Variants in SAMD4A observed in about 807,000 individuals in gnomAD.
The protein encoded by SAMD4A is protein Smaug homolog 1.
SAMD4A carries 33 observed loss-of-function variants against 81.3 expected under a neutral mutation model. The observed-to-expected ratio is 0.41, with a 90% CI of 0.31 to 0.54. The LOEUF is 0.54. Ranked by LOEUF, SAMD4A falls within the 20% of genes least tolerant of loss-of-function variation. SAMD4A has a pLI of 0.37. For missense variants in SAMD4A, 854 were observed against 951.1 expected (o/e 0.90, Z 1.34); for synonymous variants, 389 against 382.1 (o/e 1.02, Z -0.21).
At chr14:54,716,778 T>C (rs1259980227) in intron 3 of SAMD4A, among the ~76,000 whole-genome samples, 1 of 152,162 alleles carries the variant, frequency 6.6e-6, no homozygotes, top group African/African-American at 2.4e-5. Context: ...GTATTAAGTA[T>C]TCATGTTTTT....
intron 11 of SAMD4A, chr14:54,784,178 G>C (rs2039074338): frequency 1.6e-6 from 1 of 619,086 alleles, no homozygotes; most frequent in Non-Finnish European, 2.9e-6. Flanking sequence ...GGAGAGAGCT[G>C]TATGAGGGTA....
Position 54,789,333 on chromosome 14 carries a change from C to T in SAMD4A, c.*389C>T, listed in dbSNP as rs779425984. 1.8e-5 allele frequency: 4 copies of T among 227,292 alleles called. No homozygotes were observed. Among genetic ancestry groups the T allele is most frequent in the Non-Finnish European group, 3.5e-5 (4 of 114,948 alleles). The allele number at this position is 227,292 out of a possible 1,614,324, so 14.1% of individuals were successfully genotyped here. A position where few individuals can be genotyped will look rare whatever the true frequency, so the allele number is the denominator to read the frequency against. On this transcript the variant is annotated 3_prime_UTR_variant, in exon 13 of 13. Transcript: ENST00000554335. Reference sequence around the variant, plus strand: ...AGCAGAAGCCCTGGCCCTGGGGAGGCTTCTCGGAAGGCCTGGCTTCACAGG... The same window carrying T: ...AGCAGAAGCCCTGGCCCTGGGGAGGTTTCTCGGAAGGCCTGGCTTCACAGG...
chr14:54,720,159 T>A (rs1424720802), intron 3 of SAMD4A, among the ~76,000 whole-genome samples: 1 of 152,222 alleles, frequency 6.6e-6, no homozygotes, highest in Non-Finnish European at 1.5e-5. Context: ...GCTATCATAT[T>A]TTCAAATTCC....
chr14:54,570,233 T>G (rs1020802237), intron 2 of SAMD4A, among the ~76,000 whole-genome samples: 1 of 152,198 alleles, frequency 6.6e-6, no homozygotes, highest in African/African-American at 2.4e-5. Flanking sequence ...TTTGGTTTAC[T>G]TTCGGAGTGT....
At chr14:54,607,596 C>T (rs974040147) in intron 2 of SAMD4A, among the ~76,000 whole-genome samples, 32 of 151,784 alleles carry the variant, frequency 2.1e-4, no homozygotes, top group Non-Finnish European at 3.5e-4. Context: ...GTTGGGACTA[C>T]AGGCGCCCGC....
At chr14:54,625,933 T>C (rs1258352655) in intron 2 of SAMD4A, among the ~76,000 whole-genome samples, 1 of 152,034 alleles carries the variant, frequency 6.6e-6, no homozygotes, top group Non-Finnish European at 1.5e-5. Flanking sequence ...CGAAGCATGC[T>C]AAGCAAAGTC....
chr14:54,642,268 G>C (rs1484785479), intron 2 of SAMD4A, among the ~76,000 whole-genome samples: 1 of 152,174 alleles, frequency 6.6e-6, no homozygotes, highest in African/African-American at 2.4e-5. Context: ...TGTGGAGGAG[G>C]CTTTCTCTAG....
chr14:54,572,009 A>G (rs986732896), intron 2 of SAMD4A, among the ~76,000 whole-genome samples: 2 of 152,210 alleles, frequency 1.3e-5, no homozygotes, highest in Non-Finnish European at 2.9e-5. Flanking sequence ...GGTTTTCCTG[A>G]TGATATGGAT....
intron 2 of SAMD4A, among the ~76,000 whole-genome samples, chr14:54,663,803 T>G (rs566803618): frequency 6.6e-6 from 1 of 152,274 alleles, no homozygotes; most frequent in African/African-American, 2.4e-5. Flanking sequence ...TTCTCTCTCT[T>G]CCCTGTGAAT....
At chr14:54,587,979 C>A (rs1055657789) in intron 2 of SAMD4A, among the ~76,000 whole-genome samples, 2 of 151,936 alleles carry the variant, frequency 1.3e-5, no homozygotes, top group African/African-American at 4.8e-5. Context: ...TCTTTGAATG[C>A]CTGATAGAAT....
In SAMD4A at chr14:54,707,369, G is replaced by T. The variant is rs979897774; in HGVS notation, c.715+4789G>T. On this transcript the variant is annotated intron_variant, in intron 3 of 12. Transcript: ENST00000554335. The stretch of plus-strand genomic sequence containing the variant: ...TCCTCCTGCGTAAGCCTCCCAAAGT[G>T]CTGGGATTATAGATATGAGCCACCA... Among the ~76,000 whole-genome samples, 4 of 152,028 alleles carry T rather than the reference G, an allele frequency of 2.6e-5. No individual in the cohort carries two copies. In the East Asian group the frequency reaches 7.7e-4, roughly 29 times the overall value.
intron 3 of SAMD4A, among the ~76,000 whole-genome samples, chr14:54,710,901 G>A (rs1468877746): frequency 6.6e-6 from 1 of 152,182 alleles, no homozygotes; most frequent in Non-Finnish European, 1.5e-5. Context: ...CAGAAATTTT[G>A]GAAATGTCAA....
At position 54,792,392 on chromosome 14, in the gene SAMD4A, A is replaced by T. The variant is rs2039274537; in HGVS notation, c.*3448A>T. The T allele has an allele frequency of 6.6e-6, 1 of 152,182 alleles. No individual in the cohort carries two copies. Among genetic ancestry groups the T allele is most frequent in the Non-Finnish European group, 1.5e-5 (1 of 68,068 alleles). The allele number at this position is 152,182 out of a possible 1,614,324, so 9.4% of individuals were successfully genotyped here. On this transcript the variant is annotated 3_prime_UTR_variant, in exon 13 of 13. Transcript: ENST00000554335. ...GGTGTCCTTGGCTGCCTTTTACGGG[A>T]TGGGAGCCTTCTCCGGATCTTTTGT...
Position 54,782,827 on chromosome 14 carries a change from G to C in SAMD4A, c.2045-1710G>C, listed in dbSNP as rs558106880. On this transcript the variant is annotated intron_variant, in intron 11 of 12. Coordinates refer to ENST00000554335, the MANE Select transcript of SAMD4A (RefSeq NM_015589.6). The stretch of plus-strand genomic sequence containing the variant: ...AAAACAAAACTTTGACTTAACCATT[G>C]GTTTCAGCTTCCTATCCCACCAAGC... Among the ~76,000 whole-genome samples, 22 of 152,284 alleles carry C rather than the reference G, an allele frequency of 1.4e-4. No homozygotes were observed. The South Asian group carries it at 4.4e-3, about 30-fold the overall frequency.
intron 2 of SAMD4A, among the ~76,000 whole-genome samples, chr14:54,605,223 G>T (rs1385659239): frequency 6.6e-6 from 1 of 152,034 alleles, no homozygotes; most frequent in Non-Finnish European, 1.5e-5. Flanking sequence ...TGGTACAGAA[G>T]GCAAGCTCCC....
intron 7 of SAMD4A, 94 bp from the exon 8 acceptor site, chr14:54,764,361 C>G (rs1017205630): frequency 1.2e-6 from 1 of 829,952 alleles, no homozygotes; most frequent in African/African-American, 1.7e-5. Flanking sequence ...ACACATACCT[C>G]TCAGAGTGTT....
At chr14:54,640,758 A>T (rs1020425791) in intron 2 of SAMD4A, among the ~76,000 whole-genome samples, 2 of 152,110 alleles carry the variant, frequency 1.3e-5, no homozygotes, top group Non-Finnish European at 1.5e-5. Flanking sequence ...GAATGAGAAC[A>T]TTGCTGATTA....
chr14:54,787,067 T>C lies in SAMD4A; in HGVS notation c.2129-1849T>C, dbSNP rs545947433. The stretch of plus-strand genomic sequence containing the variant: ...AACCCCTTCCAGGTGCCAGGAAAGA[T>C]GGCCTTGCTGGAGACAGTATGCTAA... On this transcript the variant is annotated intron_variant, in intron 12 of 12. Coordinates refer to ENST00000554335, the MANE Select transcript of SAMD4A (RefSeq NM_015589.6). Among the ~76,000 whole-genome samples, 13 of 152,350 alleles carry C rather than the reference T, an allele frequency of 8.5e-5. 1 individual carries two copies. The South Asian group carries it at 2.3e-3, about 27-fold the overall frequency.
rs2032994522 is a variant in SAMD4A at position 54,568,098 on chromosome 14, A to C, written c.182A>C (p.Glu61Ala). Reference sequence around the variant, plus strand: ...GCCGAGCTGCACGTCCTCGAACGCGAGGCCAACAGCCCCGGTAAGTGTGCG... The same window carrying C: ...GCCGAGCTGCACGTCCTCGAACGCGCGGCCAACAGCCCCGGTAAGTGTGCG... Reference protein sequence around the residue: ...DCAELHVLEREANSPGIINQW... With the variant: ...DCAELHVLERAANSPGIINQW... Residue 61 changes from glutamate (E) to alanine (A), a missense_variant, in exon 2 of 13, where the codon GAG (glutamate) becomes GCG (alanine). Physicochemically the swap from Glu to Ala is moderately radical, Grantham distance 107 (BLOSUM62 -1). Around this residue, in one of 3 missense-constraint regions of SAMD4A, gnomAD observed 387 missense variants for 405.8 expected, o/e 0.95. Coordinates refer to ENST00000554335, the MANE Select transcript of SAMD4A (RefSeq NM_015589.6). 2 of 1,549,750 alleles carry C rather than the reference A, an allele frequency of 1.3e-6. No individual in the cohort carries two copies. Among genetic ancestry groups the C allele is most frequent in the South Asian group, 2.3e-5 (2 of 85,624 alleles).
Sources: gnomAD v4.1 joint callset for allele counts (sites outside exome capture counted in the v4.1 genomes callset) on GRCh38, gnomAD v4.1.1 for gene constraint, gnomAD v4.1.1 regional missense constraint, MANE v1.5 for transcripts, NCBI Gene and HGNC (gene_info 2026-07-23, HGNC 2026-07-21) for gene names.